The following BICC1 variants were observed in gnomAD, a reference collection of about 807,000 sequenced individuals.
BICC1 encodes protein bicaudal C homolog 1.
Under a neutral mutation model 111.0 loss-of-function variants are expected in BICC1, and 43 were observed. That is an observed-to-expected ratio of 0.39 (90% CI 0.30 to 0.50). The LOEUF is 0.50. BICC1 is among the 20% of genes least tolerant of loss of function. The pLI, the probability that BICC1 is intolerant of heterozygous loss-of-function variation, is 0.88. For missense variants in BICC1, 1,091 were observed against 1,203.2 expected (o/e 0.91, Z 1.38); for synonymous variants, 467 against 434.4 (o/e 1.07, Z -0.93).
chr10:58,758,457 A>G (rs1266416596), intron 3 of BICC1, among the ~76,000 whole-genome samples: 1 of 152,230 alleles, frequency 6.6e-6, no homozygotes, highest in African/African-American at 2.4e-5. Context: ...TATGACATTC[A>G]CTAAGAAAGG....
chr10:58,556,365 A>G (rs1414862677), intron 1 of BICC1, among the ~76,000 whole-genome samples: 1 of 152,126 alleles, frequency 6.6e-6, no homozygotes, highest in Non-Finnish European at 1.5e-5. Flanking sequence ...ATTAAAAGTT[A>G]TTGAATTTCT....
At position 58,820,423 on chromosome 10, in the gene BICC1, A is replaced by G. The variant is rs1844220972; in HGVS notation, c.2749A>G (p.Ile917Val). 2 of 1,612,026 alleles carry G rather than the reference A, an allele frequency of 1.2e-6. No individual in the cohort carries two copies. The highest frequency in any genetic ancestry group is 1.3e-5 in the African/African-American group (1 of 74,852). Residue 917 changes from isoleucine to valine, a missense_variant, in exon 20 of 21, where the codon ATA becomes GTA. Ile to Val is a conservative substitution (Grantham distance 29, BLOSUM62 3). Transcript: ENST00000373886. ...LTDQDLKELG[I>V]TTFGARRKML... ...AGATCAGGATCTGAAGGAGCTGGGA[A>G]TAACTACTTTTGGTGCCAGGAGGAA...
intron 2 of BICC1, among the ~76,000 whole-genome samples, chr10:58,627,527 T>C (rs1837668803): frequency 6.6e-6 from 1 of 152,252 alleles, no homozygotes; most frequent in East Asian, 1.9e-4. Context: ...ATTAAGATTT[T>C]GGAACTATTT....
intron 2 of BICC1, among the ~76,000 whole-genome samples, chr10:58,648,360 GT>G (rs1289829884): frequency 6.6e-6 from 1 of 152,282 alleles, no homozygotes; most frequent in Admixed American, 6.5e-5. Context: ...ATCCTTCAGT[GT>G]TTTTTGTGTT....
intron 2 of BICC1, among the ~76,000 whole-genome samples, chr10:58,638,101 A>T (rs866888914): frequency 6.6e-6 from 1 of 152,168 alleles, no homozygotes; most frequent in Non-Finnish European, 1.5e-5. Context: ...GAGGAAAAAA[A>T]GAATGTAATT....
chr10:58,742,696 C>T (rs758559020), intron 3 of BICC1, among the ~76,000 whole-genome samples: 2 of 152,106 alleles, frequency 1.3e-5, no homozygotes, highest in Non-Finnish European at 2.9e-5. Flanking sequence ...CCTCAGCCTC[C>T]CAAAGTGCTG....
chr10:58,766,940 GA>G (rs1286210221), intron 3 of BICC1, among the ~76,000 whole-genome samples: 1 of 151,764 alleles, frequency 6.6e-6, no homozygotes, highest in Non-Finnish European at 1.5e-5. Flanking sequence ...TGAAAGTAGG[GA>G]AAGGTGGGGA....
chr10:58,813,766 C>T, intron 17 of BICC1, 64 bp from the exon 18 acceptor site: 2 of 1,520,372 alleles, frequency 1.3e-6, no homozygotes, highest in Non-Finnish European at 1.8e-6. Context: ...GGATTCTTTT[C>T]TCCTCCCACC....
chr10:58,632,601 TTAAC>T (rs1837829176), intron 2 of BICC1, among the ~76,000 whole-genome samples: 1 of 152,114 alleles, frequency 6.6e-6, no homozygotes, highest in South Asian at 2.1e-4. Context: ...TAAAAGGAAT[TTAAC>T]TAGTATGTTG....
intron 3 of BICC1, among the ~76,000 whole-genome samples, chr10:58,730,094 G>T (rs1300720677): frequency 1.3e-5 from 2 of 152,072 alleles, no homozygotes; most frequent in African/African-American, 4.8e-5. Flanking sequence ...AGTCCCTTCT[G>T]CCCATGAGCC....
At chr10:58,723,282 C>A (rs1174592941) in intron 3 of BICC1, among the ~76,000 whole-genome samples, 1 of 152,096 alleles carries the variant, frequency 6.6e-6, no homozygotes, top group Non-Finnish European at 1.5e-5. Flanking sequence ...CTCTACTTTC[C>A]TCAGTCTGTT....
At chr10:58,539,788 A>G (rs979440544) in intron 1 of BICC1, among the ~76,000 whole-genome samples, 1 of 151,894 alleles carries the variant, frequency 6.6e-6, no homozygotes, top group African/African-American at 2.4e-5. Flanking sequence ...ATTGGACCTA[A>G]CAGATACATA....
chr10:58,518,610 T>C (rs1842308626), intron 1 of BICC1, among the ~76,000 whole-genome samples: 1 of 147,814 alleles, frequency 6.8e-6, no homozygotes, highest in Admixed American at 6.8e-5. Flanking sequence ...GGGGTGTGTT[T>C]GATGTGTTTT....
At chr10:58,827,980 A>C in intron 20 of BICC1, among the ~76,000 whole-genome samples, 1 of 152,032 alleles carries the variant, frequency 6.6e-6, no homozygotes, top group East Asian at 1.9e-4. Context: ...AAGTAAATAT[A>C]TTTTCTCTTC....
chr10:58,516,762 A>G (rs1470237090), intron 1 of BICC1, among the ~76,000 whole-genome samples: 3 of 152,198 alleles, frequency 2.0e-5, no homozygotes, highest in Non-Finnish European at 4.4e-5. Flanking sequence ...CATGTGAAAT[A>G]ATAGTATTGA....
intron 2 of BICC1, among the ~76,000 whole-genome samples, chr10:58,671,177 A>G (rs1391192480): frequency 6.6e-6 from 1 of 152,130 alleles, no homozygotes; most frequent in Non-Finnish European, 1.5e-5. Flanking sequence ...ACCTTCTTAT[A>G]TTAGTTGGGA....
At chr10:58,581,614 GTAGTCTTAGT>G (rs1844281721) in intron 1 of BICC1, among the ~76,000 whole-genome samples, 1 of 152,180 alleles carries the variant, frequency 6.6e-6, no homozygotes, top group Non-Finnish European at 1.5e-5. Context: ...TTATCATACT[GTAGTCTTAGT>G]TAACAACATT....
rs530377215 is a variant in BICC1, at chr10:58,738,736, C to A, written c.307+36593C>A. On this transcript the variant is annotated intron_variant, in intron 3 of 20. Coordinates refer to ENST00000373886, the MANE Select transcript of BICC1 (RefSeq NM_001080512.3). ...TACCCATGAGCATGGAATGTTCTTC[C>A]ATTTGTTTGTATCCTCTTTGATTTC... Among the ~76,000 whole-genome samples the A allele has an allele frequency of 5.1e-4, 77 of 150,648 alleles. 1 individual carries two copies. The highest frequency in any genetic ancestry group is 1.6e-3 in the African/African-American group (67 of 40,984).
At chr10:58,798,845 A>T (rs544746624) in intron 11 of BICC1, among the ~76,000 whole-genome samples, 1 of 152,288 alleles carries the variant, frequency 6.6e-6, no homozygotes, top group South Asian at 2.1e-4. Flanking sequence ...CTGTACAATG[A>T]GAGGGTTGGA....
Sources: allele counts gnomAD v4.1 joint callset (sites outside exome capture counted in the v4.1 genomes callset), GRCh38; gene constraint gnomAD v4.1.1; transcripts MANE v1.5; gene names NCBI Gene and HGNC (gene_info 2026-07-23, HGNC 2026-07-21).